Variants in JHY observed in about 807,000 individuals in gnomAD.
The protein encoded by JHY is junctional cadherin complex regulator.
A neutral mutation model predicts 78.0 loss-of-function variants in JHY; 69 were observed. The ratio of observed to expected loss-of-function variants is 0.88; its 90% CI spans 0.73 to 1.08. JHY has a LOEUF of 1.08. Among genes scored for constraint, JHY ranks in the 50% least tolerant of loss-of-function variants. The pLI, the probability that JHY is intolerant of heterozygous loss-of-function variation, is 0.00. For missense variants in JHY, 944 were observed against 927.8 expected (o/e 1.02, Z -0.23); for synonymous variants, 368 against 342.6 (o/e 1.07, Z -0.82).
intron 4 of JHY, among the ~76,000 whole-genome samples, chr11:122,926,208 AAAAAAGAAAAAG>A (rs1290033411): frequency 0.012 from 1,060 of 89,310 alleles, 5 homozygotes; most frequent in Middle Eastern, 0.021. Flanking sequence ...AAAAAAAAAG[AAAAAAGAAAAAG>A]AAAAAGAAAA....
chr11:122,914,172 T>C (rs533767992), intron 3 of JHY, among the ~76,000 whole-genome samples: 2 of 152,302 alleles, frequency 1.3e-5, no homozygotes, highest in African/African-American at 4.8e-5. Flanking sequence ...TTTTATAATC[T>C]TACAGCCTTA....
At position 122,935,976 on chromosome 11, in the gene JHY, A is replaced by T. The variant is rs1027829450; in HGVS notation, c.1634+901A>T. 6.6e-6 allele frequency among the ~76,000 whole-genome samples: 1 copy of T among 152,238 alleles called. No individual in the cohort carries two copies. The highest frequency in any genetic ancestry group is 1.5e-5 in the Non-Finnish European group (1 of 68,038). On this transcript the variant is annotated intron_variant, in intron 5 of 8. Coordinates refer to ENST00000227349, the MANE Select transcript of JHY (RefSeq NM_024806.4). The surrounding 1 kb of genome is among the most constrained non-coding windows in gnomAD (Gnocchi z 4.5). ...GGAGTATGAGTTCTACTGTGTTAAA[A>T]TATGCACAGAAGAAAAATTTACCAA...
intron 2 of JHY, among the ~76,000 whole-genome samples, chr11:122,893,342 C>T (rs1221406295): frequency 6.6e-6 from 1 of 152,090 alleles, no homozygotes; most frequent in Non-Finnish European, 1.5e-5. Context: ...GATGAGCAGT[C>T]ATAGAGGGAA....
At chr11:122,908,659 G>A (rs974896177) in intron 3 of JHY, among the ~76,000 whole-genome samples, 2 of 152,156 alleles carry the variant, frequency 1.3e-5, no homozygotes, top group South Asian at 2.1e-4. Flanking sequence ...GGTAGGAGGC[G>A]GGAAGCTTGG....
At chr11:122,911,905 CAAAAAAAAAAAAAAAAAAAAA>C (rs59941995) in intron 3 of JHY, among the ~76,000 whole-genome samples, 1 of 49,722 alleles carries the variant, frequency 2.0e-5, no homozygotes, top group South Asian at 1.5e-3. Flanking sequence ...AACTCTGTCT[CAAAAAAAAAAAAAAAAAAAAA>C]AAAAAAAAAG....
chr11:122,927,971 T>C (rs1863547658), intron 4 of JHY, among the ~76,000 whole-genome samples: 1 of 152,144 alleles, frequency 6.6e-6, no homozygotes, highest in Admixed American at 6.5e-5. Context: ...CCTCAGGTGA[T>C]CTGCCCGCCT....
chr11:122,923,869 A>G (rs965350592), intron 3 of JHY, among the ~76,000 whole-genome samples: 1 of 143,934 alleles, frequency 6.9e-6, no homozygotes, highest in Non-Finnish European at 1.5e-5. Flanking sequence ...GACCCCAGTC[A>G]CCACGCCTGG....
chr11:122,918,098 G>T (rs1308062850), intron 3 of JHY, among the ~76,000 whole-genome samples: 1 of 151,304 alleles, frequency 6.6e-6, no homozygotes, highest in Non-Finnish European at 1.5e-5. Flanking sequence ...ACAGGGTTTT[G>T]CCATATTGGC....
At position 122,890,201 on chromosome 11, in the gene JHY, T is replaced by C. The variant is rs560636461; in HGVS notation, c.344+4008T>C. Among the ~76,000 whole-genome samples, 3 of 152,236 alleles carry C rather than the reference T, an allele frequency of 2.0e-5. No individual in the cohort carries two copies. The East Asian group carries it at 5.8e-4, about 29-fold the overall frequency. Reference sequence around the variant, plus strand: ...AGGGTTCCTGTAACAACAGCTAGCATTTATAGAATGCTTATCATGAGCCCA... The same window carrying C: ...AGGGTTCCTGTAACAACAGCTAGCACTTATAGAATGCTTATCATGAGCCCA... On this transcript the variant is annotated intron_variant, in intron 2 of 8. Coordinates refer to ENST00000227349, the MANE Select transcript of JHY (RefSeq NM_024806.4).
At position 122,946,672 on chromosome 11, in the gene JHY, A is replaced by G. The variant is rs191172466; in HGVS notation, c.1809A>G (p.Glu603=). 3.7e-5 allele frequency: 59 copies of G among 1,614,188 alleles called. No homozygotes were observed. The Admixed American group carries it at 4.8e-4, about 13-fold the overall frequency. The change falls in exon 6 of 9, where the codon GAA becomes GAG. Residue 603 remains glutamate (E), a synonymous_variant. Transcript: ENST00000227349. ...CTATACTGTCAAGGGTAGAAAGTGAATCCCAACTCAGTTCAGAGAGAAGCC... is the reference window on the plus strand; with the variant it reads ...CTATACTGTCAAGGGTAGAAAGTGAGTCCCAACTCAGTTCAGAGAGAAGCC... The part of the protein sequence containing the change: ...LPPILSRVES[E]SQLSSERSQR...
At chr11:122,937,370 A>G (rs911460247) in intron 5 of JHY, among the ~76,000 whole-genome samples, 3 of 151,790 alleles carry the variant, frequency 2.0e-5, no homozygotes, top group African/African-American at 7.3e-5. Context: ...TTCCATAAGG[A>G]CAACCCCATC....
chr11:122,949,977 G>T (rs1864051730), intron 6 of JHY, among the ~76,000 whole-genome samples: 2 of 151,712 alleles, frequency 1.3e-5, no homozygotes. Flanking sequence ...GGGATTACAG[G>T]CGCACACCAC....
At position 122,885,790 on chromosome 11, in the gene JHY, T is replaced by C; in HGVS notation, c.-60T>C. ...CGCTTTTGTGAACCACAACTTTAAA[T>C]ATCAGCCAGCTGCTCCTATCAACAC... On this transcript the variant is annotated 5_prime_UTR_variant, in exon 2 of 9. Transcript: ENST00000227349. 2.3e-6 allele frequency: 3 copies of C among 1,332,858 alleles called. No individual in the cohort carries two copies. Among genetic ancestry groups the C allele is most frequent in the Non-Finnish European group, 3.1e-6 (3 of 964,318 alleles). The allele number at this position is 1,332,858 out of a possible 1,614,324, so 82.6% of individuals were successfully genotyped here.
intron 2 of JHY, among the ~76,000 whole-genome samples, chr11:122,895,856 A>G (rs945660142): frequency 6.6e-6 from 1 of 152,192 alleles, no homozygotes; most frequent in Non-Finnish European, 1.5e-5. Flanking sequence ...GCTCAGTACA[A>G]TGGGGTTCTT....
At chr11:122,939,469 T>C (rs1863827292) in intron 5 of JHY, among the ~76,000 whole-genome samples, 1 of 152,164 alleles carries the variant, frequency 6.6e-6, no homozygotes. Flanking sequence ...CTAAGATAGT[T>C]ACCATTCAAC....
chr11:122,906,368 A>G (rs183532664), intron 3 of JHY, among the ~76,000 whole-genome samples: 19 of 152,134 alleles, frequency 1.2e-4, no homozygotes, highest in Non-Finnish European at 2.5e-4. Context: ...TTGTTTTTAA[A>G]TGTCTTTATA....
intron 3 of JHY, chr11:122,905,080 A>G: frequency 1.0e-6 from 1 of 965,594 alleles, no homozygotes; most frequent in Non-Finnish European, 1.6e-6. Flanking sequence ...ATCATTTGTT[A>G]TTGTCCTGTG....
chr11:122,927,325 T>C (rs1347374046), intron 4 of JHY, among the ~76,000 whole-genome samples: 1 of 152,176 alleles, frequency 6.6e-6, no homozygotes, highest in Non-Finnish European at 1.5e-5. Context: ...TAATTAATGC[T>C]CTTATAACCC....
chr11:122,924,623 G>A (rs1863453738), intron 3 of JHY, among the ~76,000 whole-genome samples: 1 of 152,052 alleles, frequency 6.6e-6, no homozygotes, highest in African/African-American at 2.4e-5. Context: ...CTAAAATTGG[G>A]TCCCCTGAGT....
Sources: gnomAD v4.1 joint callset for allele counts (sites outside exome capture counted in the v4.1 genomes callset) on GRCh38, gnomAD v4.1.1 for gene constraint, Gnocchi (gnomAD v3.1) non-coding constraint, MANE v1.5 for transcripts, NCBI Gene and HGNC (gene_info 2026-07-23, HGNC 2026-07-21) for gene names.